Variants in GRIA2 observed in about 807,000 individuals in gnomAD.
The protein encoded by GRIA2 is glutamate ionotropic receptor AMPA type subunit 2.
Under a neutral mutation model 97.3 loss-of-function variants are expected in GRIA2, and 14 were observed. That is an observed-to-expected ratio of 0.14 (90% CI 0.10 to 0.23). GRIA2 has a LOEUF of 0.23. GRIA2 is among the 10% of genes least tolerant of loss of function. The pLI, the probability that GRIA2 is intolerant of heterozygous loss-of-function variation, is 1.00. For synonymous variants in GRIA2, 412 were observed against 387.8 expected, an observed-to-expected ratio of 1.06 and a Z score of -0.73; for missense variants, 558 against 1,069.8, an observed-to-expected ratio of 0.52 and a Z score of 6.67.
intron 6 of GRIA2, among the ~76,000 whole-genome samples, chr4:157,326,901 C>G (rs370097966): frequency 6.6e-6 from 1 of 151,958 alleles, no homozygotes. Context: ...CTATGGCTGC[C>G]CTGATGACAA....
chr4:157,255,054 G>A (rs1731179921), intron 2 of GRIA2, among the ~76,000 whole-genome samples: 1 of 151,932 alleles, frequency 6.6e-6, no homozygotes, highest in African/African-American at 2.4e-5. Flanking sequence ...TACCTAATAG[G>A]TAATTTCTCA....
At chr4:157,262,609 T>C (rs1488790864) in intron 2 of GRIA2, among the ~76,000 whole-genome samples, 2 of 152,030 alleles carry the variant, frequency 1.3e-5, no homozygotes, top group African/African-American at 4.8e-5. Flanking sequence ...TGCCCCCAAT[T>C]TCAACCCAGT....
Position 157,365,694 on chromosome 4 carries a change from C to G in GRIA2, c.*2263C>G, listed in dbSNP as rs1327434753. On this transcript the variant is annotated 3_prime_UTR_variant, in exon 16 of 16. Transcript: ENST00000264426. Reference sequence around the variant, plus strand: ...TCAATATATTGCTATATAAATATGTCTGTGTGCATATAAGTGAAAAGTGGT... The same window carrying G: ...TCAATATATTGCTATATAAATATGTGTGTGTGCATATAAGTGAAAAGTGGT... The G allele has an allele frequency of 6.6e-6, 1 of 151,818 alleles. No individual in the cohort carries two copies. The highest frequency in any genetic ancestry group is 2.4e-5 in the African/African-American group (1 of 41,352). The allele number at this position is 151,818 out of a possible 1,614,324, so 9.4% of individuals were successfully genotyped here. A position where few individuals can be genotyped will look rare whatever the true frequency, so the allele number is the denominator to read the frequency against.
intron 2 of GRIA2, among the ~76,000 whole-genome samples, chr4:157,236,848 G>A (rs983644377): frequency 1.4e-4 from 21 of 152,008 alleles, no homozygotes; most frequent in Non-Finnish European, 2.9e-4. Context: ...CTATTTATGG[G>A]TGAGTCTACT....
chr4:157,349,841 C>T (rs1259886319), intron 12 of GRIA2, among the ~76,000 whole-genome samples: 1 of 151,984 alleles, frequency 6.6e-6, no homozygotes, highest in Non-Finnish European at 1.5e-5. Flanking sequence ...GATCAAGATG[C>T]TGAATTAAAG....
intron 6 of GRIA2, among the ~76,000 whole-genome samples, chr4:157,329,338 A>C (rs945702812): frequency 2.0e-5 from 3 of 152,000 alleles, no homozygotes; most frequent in African/African-American, 7.2e-5. Context: ...TCAATGTATA[A>C]AAATTTTTTA....
intron 2 of GRIA2, among the ~76,000 whole-genome samples, chr4:157,300,905 G>T (rs1295521835): frequency 6.6e-6 from 1 of 152,116 alleles, no homozygotes; most frequent in East Asian, 1.9e-4. Flanking sequence ...AATCGAAAAT[G>T]AAAGGTATGG....
At chr4:157,315,610 T>G (rs1347937661) in intron 4 of GRIA2, among the ~76,000 whole-genome samples, 2 of 152,084 alleles carry the variant, frequency 1.3e-5, no homozygotes, top group Non-Finnish European at 2.9e-5. Context: ...TGGCGCAATC[T>G]CAGGTCACTG....
intron 2 of GRIA2, among the ~76,000 whole-genome samples, chr4:157,286,979 T>G (rs1257191061): frequency 1.3e-5 from 2 of 151,538 alleles, no homozygotes; most frequent in African/African-American, 2.4e-5. Context: ...ATTTAAAATA[T>G]TTTTTTGATC....
Position 157,361,672 on chromosome 4 carries a change from A to G in GRIA2, c.2406+548A>G, listed in dbSNP as rs930262595. 13 of 1,549,122 alleles carry G rather than the reference A, an allele frequency of 8.4e-6. No individual in the cohort carries two copies. Among genetic ancestry groups the G allele is most frequent in the Non-Finnish European group, 1.2e-5 (13 of 1,121,818 alleles). The stretch of plus-strand genomic sequence containing the variant: ...AGTAAGGTCAGTTGCTGCAGGTTTT[A>G]TGTGAAAAAACAAAATCAAACACAA... On this transcript the variant is annotated intron_variant, in intron 14 of 15. Coordinates refer to ENST00000264426, the MANE Select transcript of GRIA2 (RefSeq NM_001083619.3). This position sits in a 1 kb window ranked among gnomAD's most constrained non-coding sequence, Gnocchi z 5.2.
Position 157,362,998 on chromosome 4 carries a change from A to T in GRIA2, c.2606A>T (p.Tyr869Phe). ...CAGAATTCACAGAATTTTGCAACTT[A>T]TAAGGAAGGTTACAACGTATATGGC... ...SSQNSQNFAT[Y>F]KEGYNVYGIE... Residue 869 changes from tyrosine to phenylalanine, a missense_variant, in exon 15 of 16, where the codon TAT becomes TTT. Physicochemically the swap from Tyr to Phe is conservative, Grantham distance 22. This residue lies in a region of GRIA2 where 54 missense variants were observed against 82.1 expected (regional missense o/e 0.66). Transcript: ENST00000264426. 6.2e-7 allele frequency: 1 copy of T among 1,613,388 alleles called. No individual in the cohort carries two copies. The highest frequency in any genetic ancestry group is 8.5e-7 in the Non-Finnish European group (1 of 1,179,478).
At chr4:157,353,635 A>G (rs1736119114) in intron 12 of GRIA2, among the ~76,000 whole-genome samples, 1 of 152,116 alleles carries the variant, frequency 6.6e-6, no homozygotes, top group Non-Finnish European at 1.5e-5. Context: ...GAGATAGGAG[A>G]TAGAGCCACT....
At position 157,221,733 on chromosome 4, in the gene GRIA2, C is replaced by T; in HGVS notation, c.155C>T (p.Ser52Phe). ...SAFRVGMVQF[S>F]TSEFRLTPHI... ...TTTCGAGTAGGGATGGTTCAGTTTT[C>T]CACTTCGGAGTTCAGACTGACACCC... The change falls in exon 2 of 16, where the codon TCC (serine) becomes TTC (phenylalanine). Residue 52 changes from serine (S) to phenylalanine (F), a missense_variant. This residue lies in a region of GRIA2 where 96 missense variants were observed against 176.6 expected (regional missense o/e 0.54). Coordinates refer to ENST00000264426, the MANE Select transcript of GRIA2 (RefSeq NM_001083619.3). 6.2e-7 allele frequency: 1 copy of T among 1,613,956 alleles called. No individual in the cohort carries two copies. The highest frequency in any genetic ancestry group is 8.5e-7 in the Non-Finnish European group (1 of 1,179,846).
chr4:157,250,266 G>C (rs1730963590), intron 2 of GRIA2, among the ~76,000 whole-genome samples: 1 of 152,032 alleles, frequency 6.6e-6, no homozygotes, highest in Non-Finnish European at 1.5e-5. Context: ...AGTTTAACTT[G>C]ATGAAAAATC....
At chr4:157,274,881 C>T (rs1244852110) in intron 2 of GRIA2, among the ~76,000 whole-genome samples, 2 of 151,332 alleles carry the variant, frequency 1.3e-5, no homozygotes, top group South Asian at 2.1e-4. Context: ...GGGTATATAC[C>T]CAGTAATGGG....
At chr4:157,355,957 AT>A (rs1431325056) in intron 12 of GRIA2, among the ~76,000 whole-genome samples, 33 of 43,178 alleles carry the variant, frequency 7.6e-4, no homozygotes, top group South Asian at 1.4e-3. Flanking sequence ...ATATTTATAT[AT>A]TTATGTATAT....
At position 157,349,871 on chromosome 4, in the gene GRIA2, C is replaced by T. The variant is rs72962892; in HGVS notation, c.2043+8409C>T. On this transcript the variant is annotated intron_variant, in intron 12 of 15. Coordinates refer to ENST00000264426, the MANE Select transcript of GRIA2 (RefSeq NM_001083619.3). ...TTAAAGTATTTTAAAAGCCAACTCTCACATTGCAGATAAGTTCCTTCTCTG... is the reference window on the plus strand; with the variant it reads ...TTAAAGTATTTTAAAAGCCAACTCTTACATTGCAGATAAGTTCCTTCTCTG... Among the ~76,000 whole-genome samples the T allele has an allele frequency of 7.8e-3, 1,193 of 152,204 alleles. 21 individuals carry two copies. The highest frequency in any genetic ancestry group is 0.027 in the African/African-American group (1,137 of 41,544).
intron 6 of GRIA2, among the ~76,000 whole-genome samples, chr4:157,322,085 G>C (rs1044799823): frequency 1.3e-5 from 2 of 152,044 alleles, no homozygotes; most frequent in Non-Finnish European, 2.9e-5. Flanking sequence ...CTGCTGTTTA[G>C]AATATTATGT....
At chr4:157,284,109 G>A (rs994393882) in intron 2 of GRIA2, among the ~76,000 whole-genome samples, 2 of 151,840 alleles carry the variant, frequency 1.3e-5, no homozygotes, top group Non-Finnish European at 2.9e-5. Context: ...CTATTTGTAA[G>A]TGGCGTGACC....
Sources: allele counts gnomAD v4.1 joint callset (sites outside exome capture counted in the v4.1 genomes callset), GRCh38; gene constraint gnomAD v4.1.1; regional missense constraint gnomAD v4.1.1; non-coding constraint Gnocchi (gnomAD v3.1); transcripts MANE v1.5; gene names NCBI Gene and HGNC (gene_info 2026-07-23, HGNC 2026-07-21).